The following SYT4 variants were observed in gnomAD, a reference collection of about 807,000 sequenced individuals.
SYT4 encodes synaptotagmin-4.
In SYT4, 7 loss-of-function variants were observed where a neutral mutation model predicts 32.9. The ratio of observed to expected loss-of-function variants is 0.21; its 90% CI spans 0.12 to 0.40. The LOEUF is 0.40. Ranked by LOEUF, SYT4 falls within the 10% of genes least tolerant of loss-of-function variation. The pLI is 1.00. For synonymous variants in SYT4, 205 were observed against 186.2 expected (o/e 1.10, Z -0.82); for missense variants, 480 against 488.0 (o/e 0.98, Z 0.16).
rs771464914 is a variant in SYT4 at position 43,273,612 on chromosome 18, T to C, written c.817A>G (p.Met273Val). ...GIELSEGKML[M>V]NREIIKRNVR... ...TTTCTCTTGATGATCTCTCTATTCA[T>C]TAACATTTTTCCTTCAGATAATTCA... The change falls in exon 2 of 4, where the codon ATG becomes GTG. Residue 273 changes from methionine to valine, a missense_variant. By Grantham distance (21) the Met-to-Val change is conservative. Transcript: ENST00000255224. 1.2e-6 allele frequency: 2 copies of C among 1,612,906 alleles called. No homozygotes were observed. Among genetic ancestry groups the C allele is most frequent in the South Asian group, 2.2e-5 (2 of 90,972 alleles).
At position 43,277,376 on chromosome 18, in the gene SYT4, AAAC is replaced by A; in HGVS notation, c.-98_-96del. 4 of 1,494,586 alleles carry A rather than the reference AAAC, an allele frequency of 2.7e-6. No homozygotes were observed. Among genetic ancestry groups the A allele is most frequent in the Non-Finnish European group, 2.8e-6 (3 of 1,073,102 alleles). 92.6% of individuals were successfully genotyped at this position (1,494,586 alleles called of 1,614,324 possible). ...CAAGCGCCGGCTTTCGGAGCGCTGA[AAAC>A]AACAGCGCAGAGCCCAGGGCACCAG... On this transcript the variant is annotated 5_prime_UTR_variant, in exon 1 of 4. Transcript: ENST00000255224.
chr18:43,272,258 T>G (rs952247373), intron 2 of SYT4: 1 of 152,228 alleles, frequency 6.6e-6, no homozygotes, highest in Non-Finnish European at 1.5e-5. Flanking sequence ...ATGCAAAAAA[T>G]TAGATAAGTT....
At position 43,269,847 on chromosome 18, in the gene SYT4, C is replaced by T. The variant is rs1361303293; in HGVS notation, c.*494G>A. The T allele has an allele frequency of 6.3e-6, 1 of 157,864 alleles. No individual in the cohort carries two copies. Among genetic ancestry groups the T allele is most frequent in the East Asian group, 1.8e-4 (1 of 5,444 alleles). 9.8% of individuals were successfully genotyped at this position (157,864 alleles called of 1,614,324 possible). On this transcript the variant is annotated 3_prime_UTR_variant, in exon 4 of 4. Coordinates refer to ENST00000255224, the MANE Select transcript of SYT4 (RefSeq NM_020783.4). ...CAGATACTTTTATATGCAGGACAAC[C>T]ATTTGCACATGACAGAATTAATAAA...
Position 43,273,571 on chromosome 18 carries a change from A to G in SYT4, c.849+9T>C, listed in dbSNP as rs1255244461. Reference sequence around the variant, plus strand: ...TTTATAAATACTTTAAGCACTGAAAATAAATTACCCTAACATTTCTCTTGA... The same window carrying G: ...TTTATAAATACTTTAAGCACTGAAAGTAAATTACCCTAACATTTCTCTTGA... On this transcript the variant is annotated intron_variant, in intron 2 of 3. Transcript: ENST00000255224. The G allele has an allele frequency of 6.3e-7, 1 of 1,575,276 alleles. No individual in the cohort carries two copies. The highest frequency in any genetic ancestry group is 1.4e-5 in the African/African-American group (1 of 73,150).
In SYT4 at chr18:43,270,579, T is replaced by C; in HGVS notation, c.1040A>G (p.Lys347Arg). 1 of 1,614,042 alleles carries C rather than the reference T, an allele frequency of 6.2e-7. No individual in the cohort carries two copies. The highest frequency in any genetic ancestry group is 8.5e-7 in the Non-Finnish European group (1 of 1,179,966). ...ATTGAACACTGCATTGGGGGTGCAT[T>C]TCTTCACATGAGTCTTCTTCTTGGA... ...RISKKKTHVKKCTPNAVFNEL... is the reference protein window; with the variant it reads ...RISKKKTHVKRCTPNAVFNEL... The change falls in exon 4 of 4, where the codon AAA (lysine) becomes AGA (arginine). Residue 347 changes from lysine (K) to arginine (R), a missense_variant. By Grantham distance (26) the Lys-to-Arg change is conservative. Transcript: ENST00000255224.
rs778270412 is a variant in SYT4 at position 43,270,313 on chromosome 18, C to A, written c.*28G>T. The A allele has an allele frequency of 6.3e-7, 1 of 1,598,960 alleles. No individual in the cohort carries two copies. The highest frequency in any genetic ancestry group is 2.2e-5 in the East Asian group (1 of 44,642). On this transcript the variant is annotated 3_prime_UTR_variant, in exon 4 of 4. Coordinates refer to ENST00000255224, the MANE Select transcript of SYT4 (RefSeq NM_020783.4). ...AAATTTCTCCTTGCCTAGTAAAAAC[C>A]TTTAAGTTCCAACTCACGGCTAGGA...
chr18:43,271,332 T>G (rs1908623182), intron 3 of SYT4, among the ~76,000 whole-genome samples: 1 of 152,172 alleles, frequency 6.6e-6, no homozygotes, highest in Non-Finnish European at 1.5e-5. Flanking sequence ...CATTAAATAA[T>G]AATAATATTA....
chr18:43,268,129 A>G lies in SYT4; in HGVS notation c.*2212T>C, dbSNP rs1435331755. On this transcript the variant is annotated 3_prime_UTR_variant, in exon 4 of 4. Coordinates refer to ENST00000255224, the MANE Select transcript of SYT4 (RefSeq NM_020783.4). Reference sequence around the variant, plus strand: ...AGACAAACAATTAATTTACATGTTTAATACAGTGCAGGATTTGTAACAGGA... The same window carrying G: ...AGACAAACAATTAATTTACATGTTTGATACAGTGCAGGATTTGTAACAGGA... The G allele has an allele frequency of 6.6e-6, 1 of 152,630 alleles. No homozygotes were observed. The highest frequency in any genetic ancestry group is 1.5e-5 in the Non-Finnish European group (1 of 68,046). 9.5% of individuals were successfully genotyped at this position (152,630 alleles called of 1,614,324 possible). A position where few individuals can be genotyped will look rare whatever the true frequency, so the allele number is the denominator to read the frequency against.
Position 43,270,654 on chromosome 18 carries a change from G to A in SYT4, c.971-6C>T, listed in dbSNP as rs542391743. On this transcript the variant is annotated splice_region_variant and splice_polypyrimidine_tract_variant and intron_variant, in intron 3 of 3. Transcript: ENST00000255224. ...GTTCACTTTGACATAGGGATCTGCAGTGGAACATAACAGGCATTACAATGG... is the reference window on the plus strand; with the variant it reads ...GTTCACTTTGACATAGGGATCTGCAATGGAACATAACAGGCATTACAATGG... 114 of 1,612,860 alleles carry A rather than the reference G, an allele frequency of 7.1e-5. 1 individual carries two copies. In the South Asian group the frequency reaches 1.2e-3, roughly 16 times the overall value.
intron 1 of SYT4, among the ~76,000 whole-genome samples, chr18:43,275,061 T>G (rs1412601074): frequency 1.3e-5 from 2 of 152,114 alleles, no homozygotes; most frequent in African/African-American, 2.4e-5. Context: ...CAATCCCAAA[T>G]TTCTCAGTCA....
chr18:43,274,378 C>T lies in SYT4; in HGVS notation c.51G>A (p.Val17=), dbSNP rs1030156749. The change falls in exon 2 of 4, where the codon GTG becomes GTA. Residue 17 remains valine (V), a synonymous_variant. Coordinates refer to ENST00000255224, the MANE Select transcript of SYT4 (RefSeq NM_020783.4). ...SREEFDEIPT[V]VGIFSAFGLV... is the part of the protein sequence containing the mutation. ...GGCCAAATGCACTGAAGATCCCCAC[C>T]ACTGTGGGGATTTCATCTGAAAAAT... 6.3e-7 allele frequency: 1 copy of T among 1,589,682 alleles called. No homozygotes were observed. Among genetic ancestry groups the T allele is most frequent in the Non-Finnish European group, 8.5e-7 (1 of 1,173,758 alleles).
chr18:43,276,749 A>C (rs1469850477), intron 1 of SYT4, among the ~76,000 whole-genome samples: 1 of 152,216 alleles, frequency 6.6e-6, no homozygotes, highest in Non-Finnish European at 1.5e-5. Context: ...GGATACAAGA[A>C]AAACATAGCA....
At position 43,269,694 on chromosome 18, in the gene SYT4, CCA is replaced by C. The variant is rs1908566285; in HGVS notation, c.*645_*646del. ...AGGGGGGAGAAAAATTATATTTCAGCCACAGTGTTCTCAACTCAGCCCTTTGA... is the reference window on the plus strand; with the variant it reads ...AGGGGGGAGAAAAATTATATTTCAGCCAGTGTTCTCAACTCAGCCCTTTGA... On this transcript the variant is annotated 3_prime_UTR_variant, in exon 4 of 4. Transcript: ENST00000255224. 6.5e-6 allele frequency: 1 copy of C among 152,714 alleles called. No homozygotes were observed. The highest frequency in any genetic ancestry group is 2.1e-4 in the South Asian group (1 of 4,838). The allele number at this position is 152,714 out of a possible 1,614,324, so 9.5% of individuals were successfully genotyped here. A position where few individuals can be genotyped will look rare whatever the true frequency, so the allele number is the denominator to read the frequency against.
intron 1 of SYT4, 89 bp downstream of exon 1, chr18:43,277,159 C>T: frequency 6.5e-7 from 1 of 1,543,636 alleles, no homozygotes; most frequent in Non-Finnish European, 8.9e-7. Flanking sequence ...AATCTGTATT[C>T]AACAACCGGG....
intron 2 of SYT4, among the ~76,000 whole-genome samples, chr18:43,272,998 A>G (rs979654457): frequency 6.6e-6 from 1 of 152,164 alleles, no homozygotes; most frequent in Non-Finnish European, 1.5e-5. Flanking sequence ...TTGATGTCTT[A>G]CTATTTTCTA....
rs755980080 is a variant in SYT4, at chr18:43,273,656, A to C, written c.773T>G (p.Leu258Arg). The C allele has an allele frequency of 1.2e-6, 2 of 1,613,942 alleles. No individual in the cohort carries two copies. Among genetic ancestry groups the C allele is most frequent in the South Asian group, 2.2e-5 (2 of 91,072 alleles). ...FSRDDIIGEV[L>R]IPLSGIELSE... ...TAATTCAATTCCCGAGAGAGGAATT[A>C]GAACTTCCCCAATGATATCATCTCT... Residue 258 changes from leucine to arginine, a missense_variant, in exon 2 of 4, where the codon CTA becomes CGA. By Grantham distance (102) the Leu-to-Arg change is moderately radical. Coordinates refer to ENST00000255224, the MANE Select transcript of SYT4 (RefSeq NM_020783.4).
At chr18:43,275,407 CATAGTG>C (rs1908762021) in intron 1 of SYT4, among the ~76,000 whole-genome samples, 1 of 152,058 alleles carries the variant, frequency 6.6e-6, no homozygotes, top group African/African-American at 2.4e-5. Flanking sequence ...TACATCTATA[CATAGTG>C]AATCCATAGA....
chr18:43,273,942 A>G lies in SYT4; in HGVS notation c.487T>C (p.Tyr163His), dbSNP rs1397087074. Residue 163 changes from tyrosine (Y) to histidine (H), a missense_variant, in exon 2 of 4, where the codon TAC becomes CAC. Transcript: ENST00000255224. ...ACAAATGCTTTTCTCTCGAAGTTGT[A>G]TTCTAAGGAGAAGAAGAGAGTTCCC... ...KLGTLFFSLE[Y>H]NFERKAFVVN... The G allele has an allele frequency of 6.2e-7, 1 of 1,613,886 alleles. No individual in the cohort carries two copies. Among genetic ancestry groups the G allele is most frequent in the Non-Finnish European group, 8.5e-7 (1 of 1,179,944 alleles).
At position 43,271,757 on chromosome 18, in the gene SYT4, A is replaced by C; in HGVS notation, c.925T>G (p.Leu309Val). ...GATTTAGGCAGATGTCGAGCTTTTA[A>C]GACAACCACAGTTAGAGTGTTTGTG... is the stretch of plus-strand genomic sequence containing the variant. ...STTNTLTVVV[L>V]KARHLPKSDV... Residue 309 changes from leucine to valine, a missense_variant, in exon 3 of 4, where the codon TTA becomes GTA. By Grantham distance (32) the Leu-to-Val change is conservative. Transcript: ENST00000255224. The C allele has an allele frequency of 6.2e-7, 1 of 1,613,276 alleles. No individual in the cohort carries two copies. Among genetic ancestry groups the C allele is most frequent in the Non-Finnish European group, 8.5e-7 (1 of 1,179,338 alleles).
Sources: allele counts gnomAD v4.1 joint callset (sites outside exome capture counted in the v4.1 genomes callset), GRCh38; gene constraint gnomAD v4.1.1; transcripts MANE v1.5; gene names NCBI Gene and HGNC (gene_info 2026-07-23, HGNC 2026-07-21).